Variants in FGD6 observed in about 807,000 individuals in gnomAD.
FGD6 encodes FYVE, RhoGEF and PH domain-containing protein 6.
A neutral mutation model predicts 149.4 loss-of-function variants in FGD6; 90 were observed. The observed-to-expected ratio is 0.60, with a 90% CI of 0.51 to 0.72. FGD6 has a LOEUF of 0.72. Among genes scored for constraint, FGD6 ranks in the 30% least tolerant of loss-of-function variants. The probability of loss-of-function intolerance (pLI) is 0.00; values close to 1 mark genes in which losing one functional copy is unlikely to be tolerated. For missense variants in FGD6, 1,437 were observed against 1,684.8 expected, an observed-to-expected ratio of 0.85 and a Z score of 2.57; for synonymous variants, 527 against 584.0, an observed-to-expected ratio of 0.90 and a Z score of 1.41.
intron 3 of FGD6, among the ~76,000 whole-genome samples, chr12:95,165,438 A>T (rs967031768): frequency 2.0e-5 from 3 of 150,352 alleles, no homozygotes; most frequent in Non-Finnish European, 4.4e-5. Context: ...GGTTCAAGGG[A>T]TTCTACTACC....
intron 5 of FGD6, among the ~76,000 whole-genome samples, chr12:95,145,159 T>TCTTATACATATTATACTATATA (rs1879975028): frequency 6.6e-6 from 1 of 152,022 alleles, no homozygotes; most frequent in African/African-American, 2.4e-5. Context: ...GGCTAACTTT[T>TCTTATACATATTATACTATATA]TGTATTTTTA....
At chr12:95,134,476 A>G (rs1276432075) in intron 8 of FGD6, among the ~76,000 whole-genome samples, 1 of 152,156 alleles carries the variant, frequency 6.6e-6, no homozygotes, top group Non-Finnish European at 1.5e-5. Flanking sequence ...GGATGGTCAA[A>G]GATGTTCTGA....
intron 2 of FGD6, among the ~76,000 whole-genome samples, chr12:95,206,739 G>A (rs1482812490): frequency 6.6e-6 from 1 of 151,774 alleles, no homozygotes; most frequent in Admixed American, 6.6e-5. Context: ...TTATGCCAAG[G>A]AAGGAGCTTT....
chr12:95,120,167 TGAAGTGAGCTGACATCACGTC>T (rs2136247945), intron 8 of FGD6, among the ~76,000 whole-genome samples: 1 of 151,590 alleles, frequency 6.6e-6, no homozygotes, highest in Non-Finnish European at 1.5e-5. Flanking sequence ...AGGCGGAGGT[TGAAGTGAGCTGACATCACGTC>T]ACTGCACTCC....
intron 3 of FGD6, among the ~76,000 whole-genome samples, chr12:95,161,056 C>T (rs1208172095): frequency 4.7e-5 from 7 of 147,494 alleles, no homozygotes; most frequent in South Asian, 2.2e-4. Flanking sequence ...GGCACACACC[C>T]GTAATCCCAG....
chr12:95,185,238 T>C (rs1159519246), intron 2 of FGD6, among the ~76,000 whole-genome samples: 1 of 152,198 alleles, frequency 6.6e-6, no homozygotes. Flanking sequence ...AGTTCTGTGT[T>C]TATTTTTAGC....
chr12:95,146,269 A>T (rs576764948), intron 5 of FGD6, among the ~76,000 whole-genome samples: 1 of 152,314 alleles, frequency 6.6e-6, no homozygotes, highest in African/African-American at 2.4e-5. Flanking sequence ...GGAGGAGGTG[A>T]CATCTTTTTT....
At chr12:95,093,545 G>C (rs1190520743) in intron 15 of FGD6, among the ~76,000 whole-genome samples, 1 of 151,842 alleles carries the variant, frequency 6.6e-6, no homozygotes, top group South Asian at 2.1e-4. Flanking sequence ...GCATGGTGGC[G>C]CATGCCTGTA....
At chr12:95,162,719 G>A (rs1300539343) in intron 3 of FGD6, among the ~76,000 whole-genome samples, 1 of 152,136 alleles carries the variant, frequency 6.6e-6, no homozygotes, top group Non-Finnish European at 1.5e-5. Flanking sequence ...AGCATTTGAT[G>A]ACTCCAAATC....
In FGD6 at chr12:95,084,638, G is replaced by A. The variant is rs779544068; in HGVS notation, c.4116C>T (p.Ala1372=). 4.5e-6 allele frequency: 7 copies of A among 1,571,514 alleles called. No homozygotes were observed. Among genetic ancestry groups the A allele is most frequent in the African/African-American group, 2.8e-5 (2 of 72,318 alleles). Residue 1372 remains alanine, a synonymous_variant, in exon 20 of 21, where the codon GCC becomes GCT. Transcript: ENST00000343958. The part of the protein sequence containing the change: ...LYTYAASEDV[A]ALESQPLLGF... ...CTAATAAAGGCTGACTCTCCAAAGC[G>A]GCCACGTCCTAATTTAAAAACATAC... is the stretch of plus-strand genomic sequence containing the variant.
chr12:95,116,312 A>T (rs1293331894), intron 8 of FGD6, among the ~76,000 whole-genome samples: 1 of 152,160 alleles, frequency 6.6e-6, no homozygotes, highest in Non-Finnish European at 1.5e-5. Flanking sequence ...CTACCTCATT[A>T]ATCAAGTGAT....
At chr12:95,131,946 G>A (rs569113533) in intron 8 of FGD6, among the ~76,000 whole-genome samples, 1 of 152,112 alleles carries the variant, frequency 6.6e-6, no homozygotes, top group East Asian at 1.9e-4. Flanking sequence ...AGGCTGAGGA[G>A]GGAGGATAAC....
chr12:95,090,588 C>T (rs888687946), intron 17 of FGD6, among the ~76,000 whole-genome samples: 13 of 152,034 alleles, frequency 8.6e-5, no homozygotes, highest in African/African-American at 2.4e-4. Flanking sequence ...AATTCAAAGA[C>T]GAATTTTGAA....
At chr12:95,110,172 T>C (rs1049758007) in intron 9 of FGD6, among the ~76,000 whole-genome samples, 1 of 151,888 alleles carries the variant, frequency 6.6e-6, no homozygotes, top group Non-Finnish European at 1.5e-5. Context: ...GAGACGGGGT[T>C]TCACCGTGTT....
chr12:95,131,108 G>GTTTT (rs59897965), intron 8 of FGD6, among the ~76,000 whole-genome samples: 5 of 128,348 alleles, frequency 3.9e-5, no homozygotes, highest in South Asian at 5.2e-4. Context: ...TGGCTAAAGA[G>GTTTT]TTTTTTTTTT....
chr12:95,089,508 T>G, intron 18 of FGD6, 61 bp downstream of exon 18: 1 of 1,541,750 alleles, frequency 6.5e-7, no homozygotes, highest in Non-Finnish European at 8.8e-7. Context: ...AAAAACGGTG[T>G]ATTATATGCA....
intron 5 of FGD6, 92 bp from the exon 6 acceptor site, chr12:95,141,631 C>T: frequency 7.2e-7 from 1 of 1,380,828 alleles, no homozygotes; most frequent in Non-Finnish European, 1.0e-6. Flanking sequence ...TAAAATGATA[C>T]AGATTGCACA....
At chr12:95,117,908 G>A (rs1879068252) in intron 8 of FGD6, among the ~76,000 whole-genome samples, 1 of 152,138 alleles carries the variant, frequency 6.6e-6, no homozygotes, top group Non-Finnish European at 1.5e-5. Context: ...GGGCATGGGG[G>A]CGCATGCCTG....
intron 5 of FGD6, among the ~76,000 whole-genome samples, chr12:95,143,283 GTTTTTTTTTGT>G (rs1279235549): frequency 5.3e-5 from 3 of 56,880 alleles, no homozygotes; most frequent in African/African-American, 3.0e-4. Context: ...CATGAGGTTT[GTTTTTTTTTGT>G]TTTTTTTTTT....
Sources: gnomAD v4.1 joint callset for allele counts (sites outside exome capture counted in the v4.1 genomes callset) on GRCh38, gnomAD v4.1.1 for gene constraint, MANE v1.5 for transcripts, NCBI Gene and HGNC (gene_info 2026-07-23, HGNC 2026-07-21) for gene names.